The following ELMO1 variants were observed in gnomAD, a reference collection of about 807,000 sequenced individuals.
ELMO1 encodes the protein engulfment and cell motility 1.
ELMO1 carries 26 observed loss-of-function variants against 98.9 expected under a neutral mutation model. The observed-to-expected ratio is 0.26, with a 90% confidence interval of 0.19 to 0.36. The LOEUF (loss-of-function observed/expected upper bound fraction) is 0.36, where lower values mean the gene tolerates loss of function less well. ELMO1 is among the 10% of genes least tolerant of loss of function. The pLI, the probability that ELMO1 is intolerant of heterozygous loss-of-function variation, is 1.00. For synonymous variants in ELMO1, 346 were observed against 346.0 expected (o/e 1.00, Z 0.00); for missense variants, 627 against 935.2 (o/e 0.67, Z 4.30).
chr7:37,296,761 G>C (rs2130994872), intron 4 of ELMO1, among the ~76,000 whole-genome samples: 1 of 152,144 alleles, frequency 6.6e-6, no homozygotes, highest in South Asian at 2.1e-4. Context: ...CCAGATACTT[G>C]GATATTTATT....
chr7:37,245,316 A>G (rs144259130), intron 6 of ELMO1, among the ~76,000 whole-genome samples: 11 of 152,110 alleles, frequency 7.2e-5, no homozygotes, highest in Non-Finnish European at 1.5e-4. Flanking sequence ...GAGGGCTAGG[A>G]CTCTGCACTG....
intron 1 of ELMO1, chr7:37,375,805 C>T (rs1243739799): frequency 1.1e-6 from 1 of 878,968 alleles, no homozygotes. Flanking sequence ...TGCCACTGTA[C>T]ACTGCAGCCG....
At chr7:37,445,766 C>G (rs544635185) in intron 1 of ELMO1, among the ~76,000 whole-genome samples, 21 of 152,328 alleles carry the variant, frequency 1.4e-4, no homozygotes, top group African/African-American at 5.1e-4. Flanking sequence ...CACACAGCCT[C>G]CCTTACAGCC....
intron 16 of ELMO1, among the ~76,000 whole-genome samples, chr7:36,925,056 G>A (rs192216357): frequency 7.9e-5 from 12 of 152,032 alleles, no homozygotes; most frequent in African/African-American, 2.7e-4. Context: ...GCTGCTACAC[G>A]TTGTACAATG....
At chr7:37,172,120 A>C (rs1470222819) in intron 13 of ELMO1, among the ~76,000 whole-genome samples, 1 of 152,216 alleles carries the variant, frequency 6.6e-6, no homozygotes, top group African/African-American at 2.4e-5. Context: ...AAATGTTCAA[A>C]GACAGAGCTG....
chr7:37,417,757 G>A (rs1367213105), intron 1 of ELMO1, among the ~76,000 whole-genome samples: 1 of 152,066 alleles, frequency 6.6e-6, no homozygotes, highest in Non-Finnish European at 1.5e-5. Flanking sequence ...CAGGAGAATC[G>A]CTTGAACCTG....
At chr7:37,372,014 G>T (rs1468278338) in intron 1 of ELMO1, among the ~76,000 whole-genome samples, 1 of 151,956 alleles carries the variant, frequency 6.6e-6, no homozygotes. Context: ...AACTGTCAAA[G>T]GTAAAATCCT....
At chr7:37,030,688 A>G (rs969166041) in intron 15 of ELMO1, among the ~76,000 whole-genome samples, 2 of 152,126 alleles carry the variant, frequency 1.3e-5, no homozygotes, top group African/African-American at 4.8e-5. Flanking sequence ...CTTCTTCCCA[A>G]TCTCCTTGCT....
intron 1 of ELMO1, among the ~76,000 whole-genome samples, chr7:37,364,947 T>C (rs1279987258): frequency 1.3e-5 from 2 of 152,232 alleles, no homozygotes; most frequent in African/African-American, 4.8e-5. Context: ...TATTTGACAG[T>C]CGTGAATGAC....
rs1800755860 is a variant in ELMO1 at position 37,342,218 on chromosome 7, C to CA, written c.78+394dup. On this transcript the variant is annotated intron_variant, in intron 2 of 21. Transcript: ENST00000310758. The surrounding 1 kb of genome is among the most constrained non-coding windows in gnomAD (Gnocchi z 4.3). ...GTACCAATGCATTTGGCTGCTTCTG[C>CA]AAAAAATGAAAAAAAAGGGATTTTA... 1.3e-5 allele frequency among the ~76,000 whole-genome samples: 2 copies of CA among 151,620 alleles called. No individual in the cohort carries two copies. The highest frequency in any genetic ancestry group is 4.2e-4 in the South Asian group (2 of 4,816).
rs1285748104 is a variant in ELMO1, at chr7:37,013,526, A to G, written c.1301-91T>C. The stretch of plus-strand genomic sequence containing the variant: ...CAGGTATGTGCCCCAAAGGGAGACA[A>G]GCGGAGGTATCTTTGGTTCAGGCAA... On this transcript the variant is annotated intron_variant, in intron 15 of 21. Transcript: ENST00000310758. The G allele has an allele frequency of 2.8e-6, 4 of 1,444,828 alleles. No homozygotes were observed. The African/African-American group carries it at 5.7e-5, about 21-fold the overall frequency. The allele number at this position is 1,444,828 out of a possible 1,614,324, so 89.5% of individuals were successfully genotyped here.
At chr7:37,026,101 G>A (rs1235673637) in intron 15 of ELMO1, among the ~76,000 whole-genome samples, 1 of 152,086 alleles carries the variant, frequency 6.6e-6, no homozygotes, top group African/African-American at 2.4e-5. Context: ...TTCTTTACGA[G>A]GAAAATTATT....
chr7:37,114,783 A>C (rs1785473076), intron 14 of ELMO1, among the ~76,000 whole-genome samples: 1 of 152,210 alleles, frequency 6.6e-6, no homozygotes, highest in Admixed American at 6.5e-5. Flanking sequence ...AGTGAAATTG[A>C]AAACTGGAAA....
At chr7:36,920,716 T>C (rs1256787052) in intron 16 of ELMO1, among the ~76,000 whole-genome samples, 2 of 152,124 alleles carry the variant, frequency 1.3e-5, no homozygotes, top group East Asian at 1.9e-4. Flanking sequence ...TGTTGTTTTC[T>C]ACTGCTGATT....
chr7:37,370,772 G>C (rs1802085514), intron 1 of ELMO1, among the ~76,000 whole-genome samples: 1 of 152,094 alleles, frequency 6.6e-6, no homozygotes, highest in African/African-American at 2.4e-5. Flanking sequence ...CCCAAGTTTT[G>C]GCAAGTATGT....
chr7:37,055,596 GAGGATGTT>G (rs1360398055), intron 15 of ELMO1, among the ~76,000 whole-genome samples: 1 of 152,194 alleles, frequency 6.6e-6, no homozygotes, highest in African/African-American at 2.4e-5. Context: ...CAATGTTCAA[GAGGATGTT>G]AGCTCCAGCC....
intron 18 of ELMO1, among the ~76,000 whole-genome samples, chr7:36,879,816 C>T (rs1298662130): frequency 6.6e-6 from 1 of 152,174 alleles, no homozygotes; most frequent in African/African-American, 2.4e-5. Flanking sequence ...TATGTATATA[C>T]CAAACATGGG....
intron 16 of ELMO1, among the ~76,000 whole-genome samples, chr7:36,941,023 GCT>G (rs1474804787): frequency 6.6e-6 from 1 of 152,212 alleles, no homozygotes; most frequent in Non-Finnish European, 1.5e-5. Context: ...TCGGCTCTCA[GCT>G]CTGCATTTTA....
intron 18 of ELMO1, among the ~76,000 whole-genome samples, chr7:36,882,304 G>A (rs1461385674): frequency 6.6e-6 from 1 of 152,200 alleles, no homozygotes; most frequent in Non-Finnish European, 1.5e-5. Context: ...TTCAGAACAA[G>A]GTCGGCTTTC....
Sources: allele counts gnomAD v4.1 joint callset (sites outside exome capture counted in the v4.1 genomes callset), GRCh38; gene constraint gnomAD v4.1.1; non-coding constraint Gnocchi (gnomAD v3.1); transcripts MANE v1.5; gene names NCBI Gene and HGNC (gene_info 2026-07-23, HGNC 2026-07-21).